Variants in TBC1D32 observed in about 807,000 individuals in gnomAD.
TBC1D32 encodes protein broad-minded.
A neutral mutation model predicts 170.3 loss-of-function variants in TBC1D32; 151 were observed. That is an observed-to-expected ratio of 0.89 (90% confidence interval 0.78 to 1.01). The LOEUF (loss-of-function observed/expected upper bound fraction) is 1.01. Among genes scored for constraint, TBC1D32 ranks in the 50% least tolerant of loss-of-function variants. The pLI is 0.00. For missense variants in TBC1D32, 1,464 were observed against 1,457.1 expected, an observed-to-expected ratio of 1.00 and a Z score of -0.08; for synonymous variants, 498 against 488.0, an observed-to-expected ratio of 1.02 and a Z score of -0.27.
At chr6:121,197,515 T>C (rs905392839) in intron 22 of TBC1D32, among the ~76,000 whole-genome samples, 2 of 152,250 alleles carry the variant, frequency 1.3e-5, no homozygotes, top group South Asian at 4.1e-4. Flanking sequence ...TATACACTTG[T>C]ACTAAGACAT....
At chr6:121,202,530 T>G (rs1400611235) in intron 22 of TBC1D32, among the ~76,000 whole-genome samples, 2 of 151,150 alleles carry the variant, frequency 1.3e-5, no homozygotes, top group African/African-American at 2.5e-5. Context: ...CAAATCAAAG[T>G]GAGTTGAGTA....
rs1785555493 is a variant in TBC1D32, at chr6:121,160,997, A to G, written c.2630T>C (p.Leu877Pro). 1.2e-6 allele frequency: 2 copies of G among 1,613,970 alleles called. No individual in the cohort carries two copies. Among genetic ancestry groups the G allele is most frequent in the Middle Eastern group, 1.7e-4 (1 of 6,060 alleles). ...AATCCGTTCCAATGGCCCACCAACA[A>G]GATTTATTCTAACAAGAACATGATT... is the stretch of plus-strand genomic sequence containing the variant. ...ERNHVLVRIN[L>P]VGGPLERILP... The change falls in exon 23 of 32, where the codon CTT becomes CCT. Residue 877 changes from leucine to proline, a missense_variant. Physicochemically the swap from Leu to Pro is moderately conservative, Grantham distance 98 (BLOSUM62 -3). Coordinates refer to ENST00000398212, the MANE Select transcript of TBC1D32 (RefSeq NM_152730.6).
At chr6:121,213,867 A>C (rs1793473900) in intron 21 of TBC1D32, among the ~76,000 whole-genome samples, 1 of 152,204 alleles carries the variant, frequency 6.6e-6, no homozygotes, top group Non-Finnish European at 1.5e-5. Flanking sequence ...ACAAAGCTGG[A>C]GGCATCATGT....
rs1037229197 is a variant in TBC1D32, at chr6:121,110,244, C to A, written c.3324+2261G>T. 1.6e-4 allele frequency among the ~76,000 whole-genome samples: 23 copies of A among 146,880 alleles called. No homozygotes were observed. In the East Asian group the frequency reaches 4.0e-3, roughly 25 times the overall value. Reference sequence around the variant, plus strand: ...CCAGGCTGGGCGACAGAGTGAGACTCTGTCTCAAAAAAAAAAAAATTTTAT... The same window carrying A: ...CCAGGCTGGGCGACAGAGTGAGACTATGTCTCAAAAAAAAAAAAATTTTAT... On this transcript the variant is annotated intron_variant, in intron 29 of 31. Coordinates refer to ENST00000398212, the MANE Select transcript of TBC1D32 (RefSeq NM_152730.6).
chr6:121,197,177 G>A (rs1003684253), intron 22 of TBC1D32, among the ~76,000 whole-genome samples: 1 of 152,192 alleles, frequency 6.6e-6, no homozygotes, highest in African/African-American at 2.4e-5. Context: ...ATGAATGTAA[G>A]GAAGAGTATG....
chr6:121,108,808 C>T (rs1050195907), intron 29 of TBC1D32, among the ~76,000 whole-genome samples: 1 of 151,962 alleles, frequency 6.6e-6, no homozygotes, highest in African/African-American at 2.4e-5. Context: ...TGAAACTCTC[C>T]AATTCAAATG....
At chr6:121,305,767 G>A (rs1413576035) in intron 5 of TBC1D32, among the ~76,000 whole-genome samples, 4 of 151,924 alleles carry the variant, frequency 2.6e-5, no homozygotes, top group Admixed American at 2.6e-4. Context: ...CTTTAGAGGA[G>A]GAGATGAAGA....
intron 15 of TBC1D32, among the ~76,000 whole-genome samples, chr6:121,272,719 G>C (rs1014734155): frequency 1.3e-5 from 2 of 152,164 alleles, no homozygotes; most frequent in Non-Finnish European, 2.9e-5. Flanking sequence ...CAAGGATCTA[G>C]AACTAGAAAT....
chr6:121,159,560 C>T (rs1182950859), intron 24 of TBC1D32, among the ~76,000 whole-genome samples: 2 of 152,132 alleles, frequency 1.3e-5, no homozygotes, highest in Non-Finnish European at 2.9e-5. Flanking sequence ...AATTTTGTCA[C>T]TTTGTGAACA....
intron 20 of TBC1D32, among the ~76,000 whole-genome samples, chr6:121,233,856 T>A (rs1292756677): frequency 6.6e-6 from 1 of 152,226 alleles, no homozygotes; most frequent in East Asian, 1.9e-4. Context: ...ATTTCGAGAA[T>A]TTGTTTCAAG....
intron 22 of TBC1D32, among the ~76,000 whole-genome samples, chr6:121,172,940 G>A (rs527879144): frequency 2.6e-5 from 4 of 152,194 alleles, no homozygotes; most frequent in Non-Finnish European, 5.9e-5. Context: ...GATTACATAT[G>A]ATTTCAGATG....
At chr6:121,248,935 T>C (rs1797960584) in intron 17 of TBC1D32, among the ~76,000 whole-genome samples, 1 of 151,718 alleles carries the variant, frequency 6.6e-6, no homozygotes, top group Non-Finnish European at 1.5e-5. Context: ...AGAGAATCCT[T>C]CCTAAATCTA....
chr6:121,181,797 A>C (rs1472239169), intron 22 of TBC1D32, among the ~76,000 whole-genome samples: 1 of 152,280 alleles, frequency 6.6e-6, no homozygotes, highest in Non-Finnish European at 1.5e-5. Flanking sequence ...AGCCATCAAA[A>C]AGAATGCAAT....
intron 17 of TBC1D32, among the ~76,000 whole-genome samples, chr6:121,248,244 A>G (rs1035577483): frequency 6.6e-6 from 1 of 152,068 alleles, no homozygotes; most frequent in African/African-American, 2.4e-5. Flanking sequence ...ATCAACATAG[A>G]TATTAAAAAA....
At chr6:121,262,462 G>C (rs1182623156) in intron 15 of TBC1D32, among the ~76,000 whole-genome samples, 1 of 150,160 alleles carries the variant, frequency 6.7e-6, no homozygotes, top group Admixed American at 6.6e-5. Context: ...GAAGAGAATA[G>C]AGGCCAATAT....
chr6:121,096,791 A>T (rs917841349), intron 30 of TBC1D32, among the ~76,000 whole-genome samples: 15 of 152,204 alleles, frequency 9.9e-5, no homozygotes, highest in Admixed American at 3.9e-4. Flanking sequence ...ACCTGACTTC[A>T]AACTATACTA....
intron 24 of TBC1D32, among the ~76,000 whole-genome samples, chr6:121,150,520 A>G (rs11153997): frequency 0.17 from 26,601 of 152,158 alleles, 3,048 homozygotes; most frequent in East Asian, 0.51. Context: ...GCCTCATGAA[A>G]TGAGTTGGGG....
intron 3 of TBC1D32, among the ~76,000 whole-genome samples, chr6:121,316,677 A>G (rs1583721949): frequency 6.6e-6 from 1 of 151,998 alleles, no homozygotes; most frequent in Non-Finnish European, 1.5e-5. Context: ...TCCAAAACCA[A>G]TTTTCCTTCA....
chr6:121,107,380 G>T (rs1778794995), intron 29 of TBC1D32, among the ~76,000 whole-genome samples: 1 of 151,620 alleles, frequency 6.6e-6, no homozygotes, highest in Non-Finnish European at 1.5e-5. Flanking sequence ...ATATATATTT[G>T]TAGAAACATA....
Sources: gnomAD v4.1 joint callset for allele counts (sites outside exome capture counted in the v4.1 genomes callset) on GRCh38, gnomAD v4.1.1 for gene constraint, MANE v1.5 for transcripts, NCBI Gene and HGNC (gene_info 2026-07-23, HGNC 2026-07-21) for gene names.